The following SENP7 variants were observed in gnomAD, a reference collection of about 807,000 sequenced individuals.
SENP7 encodes the protein sentrin-specific protease 7.
Under a neutral mutation model 141.2 loss-of-function variants are expected in SENP7, and 64 were observed. The observed-to-expected ratio is 0.45, with a 90% CI of 0.37 to 0.56. The LOEUF is 0.56. Ranked by LOEUF, SENP7 falls within the 20% of genes least tolerant of loss-of-function variation. The pLI, the probability that SENP7 is intolerant of heterozygous loss-of-function variation, is 0.00. For synonymous variants in SENP7, 382 were observed against 426.4 expected, an observed-to-expected ratio of 0.90 and a Z score of 1.28; for missense variants, 1,025 against 1,212.2, an observed-to-expected ratio of 0.85 and a Z score of 2.29.
chr3:101,510,415 G>A (rs993853098), intron 1 of SENP7, among the ~76,000 whole-genome samples: 14 of 152,128 alleles, frequency 9.2e-5, no homozygotes, highest in African/African-American at 2.9e-4. Context: ...AAAGTTTAGG[G>A]CAGCCTAATG....
At chr3:101,395,798 T>G (rs1251362096) in intron 6 of SENP7, among the ~76,000 whole-genome samples, 2 of 152,244 alleles carry the variant, frequency 1.3e-5, no homozygotes, top group East Asian at 3.8e-4. Flanking sequence ...GAACACATGT[T>G]GGCACCCTCA....
chr3:101,503,317 T>C (rs1475494846), intron 1 of SENP7, among the ~76,000 whole-genome samples: 2 of 152,220 alleles, frequency 1.3e-5, no homozygotes, highest in African/African-American at 4.8e-5. Context: ...AATGAGTACA[T>C]CTGCTTCACC....
chr3:101,357,701 A>C (rs1315706292), intron 11 of SENP7: 1 of 703,596 alleles, frequency 1.4e-6, no homozygotes, highest in Non-Finnish European at 2.6e-6. Context: ...TAAATATGTG[A>C]AAGTCTCTCA....
chr3:101,393,874 T>C (rs762038215), intron 6 of SENP7, among the ~76,000 whole-genome samples: 4 of 152,182 alleles, frequency 2.6e-5, no homozygotes, highest in Non-Finnish European at 4.4e-5. Context: ...CGGGTACATA[T>C]GGTATTTGGT....
intron 3 of SENP7, among the ~76,000 whole-genome samples, chr3:101,478,715 C>G (rs1339183011): frequency 1.3e-5 from 2 of 152,076 alleles, no homozygotes; most frequent in African/African-American, 4.8e-5. Flanking sequence ...TACCCTTATA[C>G]CAAAAGAAGA....
chr3:101,467,985 A>G (rs2063825272), intron 3 of SENP7, among the ~76,000 whole-genome samples: 1 of 152,218 alleles, frequency 6.6e-6, no homozygotes. Context: ...ATGGCTAACT[A>G]GAATAAAGAG....
At chr3:101,346,419 G>A (rs920844749) in intron 13 of SENP7, among the ~76,000 whole-genome samples, 3 of 152,090 alleles carry the variant, frequency 2.0e-5, no homozygotes, top group African/African-American at 7.3e-5. Flanking sequence ...TATCTACCCA[G>A]AGGAAAGGAA....
intron 5 of SENP7, among the ~76,000 whole-genome samples, chr3:101,399,989 A>C (rs1003206014): frequency 1.3e-5 from 2 of 152,236 alleles, no homozygotes; most frequent in Admixed American, 1.3e-4. Context: ...GCACTATATA[A>C]GCCTGATATC....
At chr3:101,488,096 G>A (rs1358990511) in intron 3 of SENP7, among the ~76,000 whole-genome samples, 1 of 152,114 alleles carries the variant, frequency 6.6e-6, no homozygotes, top group Non-Finnish European at 1.5e-5. Flanking sequence ...CACGCGCATG[G>A]ATTGTTTTTC....
At chr3:101,509,497 C>G (rs961248837) in intron 1 of SENP7, among the ~76,000 whole-genome samples, 2 of 152,192 alleles carry the variant, frequency 1.3e-5, no homozygotes, top group Admixed American at 6.5e-5. Context: ...GCCTATCTAA[C>G]TGCTTAGTAA....
intron 3 of SENP7, among the ~76,000 whole-genome samples, chr3:101,477,476 C>CA (rs1251381426): frequency 1.4e-5 from 2 of 146,106 alleles, no homozygotes; most frequent in Non-Finnish European, 3.0e-5. Context: ...ATACGTATGA[C>CA]AAAAAAGTAT....
chr3:101,368,140 T>C, intron 7 of SENP7, 129 bp from the exon 8 acceptor site: 1 of 650,980 alleles, frequency 1.5e-6, no homozygotes, highest in East Asian at 2.9e-5. Flanking sequence ...AAATGTACTG[T>C]TAAATTCTCA....
At chr3:101,333,660 T>C (rs949234107) in intron 17 of SENP7, among the ~76,000 whole-genome samples, 2 of 152,234 alleles carry the variant, frequency 1.3e-5, no homozygotes, top group Non-Finnish European at 2.9e-5. Flanking sequence ...TACAGGATGA[T>C]GTTAAATGTA....
intron 5 of SENP7, among the ~76,000 whole-genome samples, chr3:101,408,216 C>T (rs1163819900): frequency 6.6e-6 from 1 of 152,052 alleles, no homozygotes. Context: ...ATAGAACCCT[C>T]CTAGCTTAAA....
intron 4 of SENP7, among the ~76,000 whole-genome samples, chr3:101,428,871 A>G (rs1226876627): frequency 1.3e-5 from 2 of 152,132 alleles, no homozygotes; most frequent in Non-Finnish European, 2.9e-5. Flanking sequence ...ATTTTTGTAT[A>G]AGGTCTAAGG....
At chr3:101,506,947 G>A (rs1003134829) in intron 1 of SENP7, among the ~76,000 whole-genome samples, 12 of 151,884 alleles carry the variant, frequency 7.9e-5, no homozygotes, top group African/African-American at 2.7e-4. Context: ...TGTAGTCCTA[G>A]CTACTCCGGA....
intron 5 of SENP7, chr3:101,414,166 A>AG (rs2061534283): frequency 3.7e-6 from 2 of 533,516 alleles, no homozygotes; most frequent in African/African-American, 3.8e-5. Flanking sequence ...AGACAGATTT[A>AG]GGGGTTAAAA....
intron 3 of SENP7, among the ~76,000 whole-genome samples, chr3:101,484,883 C>T (rs137902981): frequency 7.9e-5 from 12 of 152,122 alleles, no homozygotes; most frequent in African/African-American, 2.6e-4. Context: ...CCATTCACAC[C>T]CTCAGACTGG....
intron 5 of SENP7, among the ~76,000 whole-genome samples, chr3:101,399,744 G>T (rs548175315): frequency 2.6e-5 from 4 of 152,276 alleles, no homozygotes; most frequent in African/African-American, 9.6e-5. Context: ...TCCTACCTCA[G>T]CCTCTTAAGT....
Sources: allele counts gnomAD v4.1 joint callset (sites outside exome capture counted in the v4.1 genomes callset), GRCh38; gene constraint gnomAD v4.1.1; transcripts MANE v1.5; gene names NCBI Gene and HGNC (gene_info 2026-07-23, HGNC 2026-07-21).